The following TNFRSF21 variants were observed in gnomAD, a reference collection of about 807,000 sequenced individuals.
TNFRSF21 encodes tumor necrosis factor receptor superfamily member 21.
TNFRSF21 carries 19 observed loss-of-function variants against 45.6 expected under a neutral mutation model. That is an observed-to-expected ratio of 0.42 (90% CI 0.29 to 0.61). The LOEUF (loss-of-function observed/expected upper bound fraction) is 0.61. TNFRSF21 is among the 20% of genes least tolerant of loss of function. The pLI is 0.23. For missense variants in TNFRSF21, 737 were observed against 851.5 expected (o/e 0.87, Z 1.67); for synonymous variants, 314 against 335.5 (o/e 0.94, Z 0.70).
chr6:47,256,099 C>T (rs544157980), intron 3 of TNFRSF21, among the ~76,000 whole-genome samples: 24 of 152,318 alleles, frequency 1.6e-4, no homozygotes, highest in South Asian at 4.1e-4. Context: ...CTCCTCAACA[C>T]GCATTCTTAC....
At chr6:47,244,260 C>T (rs1003019702) in intron 4 of TNFRSF21, among the ~76,000 whole-genome samples, 12 of 144,642 alleles carry the variant, frequency 8.3e-5, no homozygotes, top group African/African-American at 3.1e-4. Context: ...GGAGGGGGAG[C>T]TTGCAGTGAC....
intron 3 of TNFRSF21, among the ~76,000 whole-genome samples, chr6:47,275,856 T>G (rs969420973): frequency 2.0e-5 from 3 of 152,244 alleles, no homozygotes; most frequent in Middle Eastern, 3.4e-3. Context: ...AGGTTGGCAT[T>G]GAGCCTGGCC....
intron 3 of TNFRSF21, among the ~76,000 whole-genome samples, chr6:47,283,115 T>C (rs573094254): frequency 6.6e-6 from 1 of 152,312 alleles, no homozygotes; most frequent in Admixed American, 6.5e-5. Flanking sequence ...CTGAATGGGG[T>C]TATCAAAACT....
intron 3 of TNFRSF21, among the ~76,000 whole-genome samples, chr6:47,255,764 A>G (rs1384780927): frequency 6.6e-6 from 1 of 152,020 alleles, no homozygotes; most frequent in Non-Finnish European, 1.5e-5. Flanking sequence ...TGCCTGGCCA[A>G]TATCATGTCT....
intron 3 of TNFRSF21, among the ~76,000 whole-genome samples, chr6:47,278,287 A>T (rs1205498023): frequency 6.6e-6 from 1 of 152,152 alleles, no homozygotes; most frequent in Non-Finnish European, 1.5e-5. Context: ...AACCAATCCA[A>T]TGTCTTTAAA....
intron 4 of TNFRSF21, among the ~76,000 whole-genome samples, chr6:47,246,710 T>C (rs1168917621): frequency 6.6e-6 from 1 of 151,960 alleles, no homozygotes; most frequent in Non-Finnish European, 1.5e-5. Context: ...AGTCAAAGAT[T>C]TGAGAAGCCC....
intron 2 of TNFRSF21, among the ~76,000 whole-genome samples, chr6:47,285,589 C>A (rs1392108324): frequency 6.6e-6 from 1 of 152,130 alleles, no homozygotes; most frequent in African/African-American, 2.4e-5. Flanking sequence ...CTGGAAGGAA[C>A]CTTAAACATC....
At chr6:47,234,255 G>T (rs1206456312) in intron 5 of TNFRSF21, among the ~76,000 whole-genome samples, 2 of 152,164 alleles carry the variant, frequency 1.3e-5, no homozygotes, top group Non-Finnish European at 2.9e-5. Context: ...CGGATTACAG[G>T]CGTGAGCTGC....
intron 3 of TNFRSF21, among the ~76,000 whole-genome samples, chr6:47,257,016 T>C (rs1196915442): frequency 6.6e-6 from 1 of 152,182 alleles, no homozygotes; most frequent in African/African-American, 2.4e-5. Flanking sequence ...ATTAACATTT[T>C]CTATAGAGTT....
intron 3 of TNFRSF21, among the ~76,000 whole-genome samples, chr6:47,274,685 A>T (rs1165613889): frequency 6.6e-6 from 1 of 152,226 alleles, no homozygotes; most frequent in Non-Finnish European, 1.5e-5. Flanking sequence ...AGAAACTATC[A>T]TCAGAGTGAA....
chr6:47,251,699 A>G (rs536441423), intron 4 of TNFRSF21, among the ~76,000 whole-genome samples: 1 of 152,200 alleles, frequency 6.6e-6, no homozygotes, highest in African/African-American at 2.4e-5. Context: ...TCTCTCCTTA[A>G]AGCCAGTCTC....
chr6:47,280,104 G>C (rs971041352), intron 3 of TNFRSF21, among the ~76,000 whole-genome samples: 2 of 152,168 alleles, frequency 1.3e-5, no homozygotes, highest in Non-Finnish European at 2.9e-5. Flanking sequence ...AAGAAAGACA[G>C]AAACCAATGG....
At chr6:47,287,955 C>T (rs1300129171) in intron 1 of TNFRSF21, among the ~76,000 whole-genome samples, 3 of 152,144 alleles carry the variant, frequency 2.0e-5, no homozygotes, top group African/African-American at 7.2e-5. Context: ...CTGATAAAGG[C>T]ATAAATTGCA....
intron 4 of TNFRSF21, among the ~76,000 whole-genome samples, chr6:47,250,323 T>C (rs1211723023): frequency 6.6e-6 from 1 of 152,242 alleles, no homozygotes; most frequent in Non-Finnish European, 1.5e-5. Context: ...TTATTCCAAA[T>C]GCTCATGTCC....
intron 3 of TNFRSF21, among the ~76,000 whole-genome samples, chr6:47,275,561 A>G (rs1762485892): frequency 6.6e-6 from 1 of 152,120 alleles, no homozygotes; most frequent in Non-Finnish European, 1.5e-5. Flanking sequence ...GTAAATGATG[A>G]GTTGATAGGT....
chr6:47,273,727 T>A (rs763195354), intron 3 of TNFRSF21, among the ~76,000 whole-genome samples: 2 of 152,220 alleles, frequency 1.3e-5, no homozygotes, highest in Non-Finnish European at 2.9e-5. Context: ...AAATTGTCCC[T>A]GTTTGCAGAT....
intron 3 of TNFRSF21, among the ~76,000 whole-genome samples, chr6:47,262,602 G>A (rs543879340): frequency 2.0e-5 from 3 of 152,192 alleles, no homozygotes; most frequent in African/African-American, 7.2e-5. Flanking sequence ...AGGGTAGGAG[G>A]TGATGAGGCT....
chr6:47,244,955 A>G (rs2113846491), intron 4 of TNFRSF21, among the ~76,000 whole-genome samples: 1 of 152,350 alleles, frequency 6.6e-6, no homozygotes, highest in Middle Eastern at 3.4e-3. Flanking sequence ...ATTCAACTTT[A>G]TCCAAATCGG....
rs1484608671 is a variant in TNFRSF21 at position 47,284,241 on chromosome 6, G to T, written c.940C>A (p.Pro314Thr). Residue 314 changes from proline to threonine, a missense_variant, in exon 3 of 6, where the codon CCG becomes ACG. Coordinates refer to ENST00000296861, the MANE Select transcript of TNFRSF21 (RefSeq NM_014452.5). ...PHHRHILKLLPSMEATGGEKS... is the reference protein window; with the variant it reads ...PHHRHILKLLTSMEATGGEKS... ...TCGCCCCCAGTGGCCTCCATGGACG[G>T]CAGCAGCTTCAGGATGTGTCTGTGG... 2 of 1,613,858 alleles carry T rather than the reference G, an allele frequency of 1.2e-6. No homozygotes were observed. The highest frequency in any genetic ancestry group is 1.7e-6 in the Non-Finnish European group (2 of 1,179,838).
Sources: gnomAD v4.1 joint callset for allele counts (sites outside exome capture counted in the v4.1 genomes callset) on GRCh38, gnomAD v4.1.1 for gene constraint, MANE v1.5 for transcripts, NCBI Gene and HGNC (gene_info 2026-07-23, HGNC 2026-07-21) for gene names.